Variants in ATG2A observed in about 807,000 individuals in gnomAD.
The protein encoded by ATG2A is autophagy related 2A, also known as autophagy-related protein 2 homolog A.
In ATG2A, 103 loss-of-function variants were observed where a neutral mutation model predicts 214.2. That is an observed-to-expected ratio of 0.48 (90% confidence interval 0.41 to 0.57). The LOEUF is 0.57. Ranked by LOEUF, ATG2A falls within the 20% of genes least tolerant of loss-of-function variation. ATG2A has a pLI of 0.00. For missense variants in ATG2A, 2,312 were observed against 2,613.2 expected, an observed-to-expected ratio of 0.88 and a Z score of 2.51; for synonymous variants, 1,160 against 1,142.1, an observed-to-expected ratio of 1.02 and a Z score of -0.32.
At position 64,903,633 on chromosome 11, in the gene ATG2A, G is replaced by A. The variant is rs1565750034; in HGVS notation, c.3492C>T (p.Tyr1164=). The A allele has an allele frequency of 6.5e-6, 10 of 1,549,990 alleles. No individual in the cohort carries two copies. Among genetic ancestry groups the A allele is most frequent in the Non-Finnish European group, 8.7e-6 (10 of 1,146,590 alleles). Residue 1164 remains tyrosine, a synonymous_variant, in exon 25 of 41, where the codon TAC becomes TAT. Coordinates refer to ENST00000377264, the MANE Select transcript of ATG2A (RefSeq NM_015104.3). This position sits in a 1 kb window ranked among gnomAD's most constrained non-coding sequence, Gnocchi z 4.2. ...LRFILDDSAL[Y]LSDKCEVETL... ...TCTCCACCTCACACTTGTCGGACAG[G>A]TACAAGGCGGAGTCATCGAGGATGA...
chr11:64,897,722 C>G lies in ATG2A; in HGVS notation c.5016G>C (p.Glu1672Asp). The change falls in exon 36 of 41, where the codon GAG (glutamate) becomes GAC (aspartate). Residue 1672 changes from glutamate to aspartate, a missense_variant. Glu to Asp is a conservative substitution (Grantham distance 45). Transcript: ENST00000377264. The stretch of plus-strand genomic sequence containing the variant: ...CATGGTAATCCAGCCAGATGGGGAC[C>G]TCAGACGTGAAGCGGAACTCTCTGG... ...IYFREFRFTS[E>D]VPIWLDYHGK... is the part of the protein sequence containing the mutation. The G allele has an allele frequency of 1.2e-6, 2 of 1,614,260 alleles. No individual in the cohort carries two copies. The highest frequency in any genetic ancestry group is 1.7e-6 in the Non-Finnish European group (2 of 1,180,036).
Position 64,906,200 on chromosome 11 carries a change from G to A in ATG2A, c.3184-7C>T, listed in dbSNP as rs1449239343. On this transcript the variant is annotated splice_polypyrimidine_tract_variant and splice_region_variant and intron_variant, in intron 21 of 40. Transcript: ENST00000377264. ...GCAGTGTCACCAGGAACTCCTGAGG[G>A]TGGGGGCGCAGTCAGGGCAGTGGGG... is the stretch of plus-strand genomic sequence containing the variant. 1.9e-6 allele frequency: 3 copies of A among 1,611,516 alleles called. No homozygotes were observed. The highest frequency in any genetic ancestry group is 1.1e-5 in the South Asian group (1 of 90,968).
Position 64,902,319 on chromosome 11 carries a change from TCACGCTGGTTGATGAGGGCCGTCTC to T in ATG2A, c.3820_3844del (p.Glu1274ThrfsTer56). 1 of 1,610,950 alleles carries T rather than the reference TCACGCTGGTTGATGAGGGCCGTCTC, an allele frequency of 6.2e-7. No individual in the cohort carries two copies. The highest frequency in any genetic ancestry group is 8.5e-7 in the Non-Finnish European group (1 of 1,179,446). ...GGTGTCCAGGAGGGCGTCGGCCAGG[TCACGCTGGTTGATGAGGGCCGTCTC>T]CACTGGGGGGCACGAGGGCAGAGAG... On this transcript the variant is annotated frameshift_variant, in exon 28 of 41. Transcript: ENST00000377264. LOFTEE classifies it high-confidence loss of function.
At position 64,898,241 on chromosome 11, in the gene ATG2A, C is replaced by T. The variant is rs757534256; in HGVS notation, c.4773+20G>A. The T allele has an allele frequency of 1.2e-6, 2 of 1,613,606 alleles. No homozygotes were observed. Among genetic ancestry groups the T allele is most frequent in the Admixed American group, 1.7e-5 (1 of 59,968 alleles). ...GACAGTGGGGTCACCCTAGGCTCTG[C>T]CCTCACGTAGACCACTCACCTGGTC... On this transcript the variant is annotated intron_variant, in intron 33 of 40. Coordinates refer to ENST00000377264, the MANE Select transcript of ATG2A (RefSeq NM_015104.3). This position sits in a 1 kb window ranked among gnomAD's most constrained non-coding sequence, Gnocchi z 4.5.
Position 64,898,524 on chromosome 11 carries a change from C to G in ATG2A, c.4671+112G>C. 7.1e-7 allele frequency: 1 copy of G among 1,408,050 alleles called. No individual in the cohort carries two copies. Among genetic ancestry groups the G allele is most frequent in the South Asian group, 1.3e-5 (1 of 78,520 alleles). The allele number at this position is 1,408,050 out of a possible 1,614,324, so 87.2% of individuals were successfully genotyped here. ...CCCTTCTCCCAGGCTCACAAACAAC[C>G]TGGGTGTTTGTGTGGGAATGCGTGT... On this transcript the variant is annotated intron_variant, in intron 32 of 40. Coordinates refer to ENST00000377264, the MANE Select transcript of ATG2A (RefSeq NM_015104.3). The surrounding 1 kb of genome is among the most constrained non-coding windows in gnomAD (Gnocchi z 4.5).
Position 64,897,342 on chromosome 11 carries a change from C to T in ATG2A, c.5150+70G>A, listed in dbSNP as rs1944189296. ...GGGTGATGACTTGGCCAAGGCCACA[C>T]AACCAGTCAGGACCAGAACAGAAGG... On this transcript the variant is annotated intron_variant, in intron 37 of 40. Transcript: ENST00000377264. 4 of 1,522,384 alleles carry T rather than the reference C, an allele frequency of 2.6e-6. No homozygotes were observed. In the South Asian group the frequency reaches 3.6e-5, roughly 14 times the overall value. The allele number at this position is 1,522,384 out of a possible 1,614,324, so 94.3% of individuals were successfully genotyped here.
In ATG2A at chr11:64,898,243, C is replaced by T; in HGVS notation, c.4773+18G>A. On this transcript the variant is annotated intron_variant, in intron 33 of 40. Coordinates refer to ENST00000377264, the MANE Select transcript of ATG2A (RefSeq NM_015104.3). This position sits in a 1 kb window ranked among gnomAD's most constrained non-coding sequence, Gnocchi z 4.5. ...CAGTGGGGTCACCCTAGGCTCTGCC[C>T]TCACGTAGACCACTCACCTGGTCCA... 1.2e-6 allele frequency: 2 copies of T among 1,613,808 alleles called. No homozygotes were observed. The highest frequency in any genetic ancestry group is 1.7e-6 in the Non-Finnish European group (2 of 1,179,826).
chr11:64,897,964 C>T lies in ATG2A; in HGVS notation c.4869G>A (p.Glu1623=). 2 of 1,553,356 alleles carry T rather than the reference C, an allele frequency of 1.3e-6. No individual in the cohort carries two copies. The highest frequency in any genetic ancestry group is 1.7e-6 in the Non-Finnish European group (2 of 1,152,610). The change falls in exon 35 of 41, where the codon GAG becomes GAA. Residue 1623 remains glutamate (E), a synonymous_variant. Transcript: ENST00000377264. The part of the protein sequence containing the change: ...PGETSAEARP[E]TRAQPSSPLE... Reference sequence around the variant, plus strand: ...GGGGGCTGCTGGGCTGGGCTCGAGTCTCGGGGCGAGCTAGGGGAGGGGAGG... The same window carrying T: ...GGGGGCTGCTGGGCTGGGCTCGAGTTTCGGGGCGAGCTAGGGGAGGGGAGG...
Position 64,898,465 on chromosome 11 carries a change from G to C in ATG2A, c.4672-103C>G. The C allele has an allele frequency of 7.5e-7, 1 of 1,329,942 alleles. No homozygotes were observed. The highest frequency in any genetic ancestry group is 1.0e-6 in the Non-Finnish European group (1 of 967,302). 82.4% of individuals were successfully genotyped at this position (1,329,942 alleles called of 1,614,324 possible). A position where few individuals can be genotyped will look rare whatever the true frequency, so the allele number is the denominator to read the frequency against. ...ACCCAGCCACCCTGCCTCTGAACAC[G>C]CTGTTCCCTTCGCTAACACAGCCCC... On this transcript the variant is annotated intron_variant, in intron 32 of 40. Coordinates refer to ENST00000377264, the MANE Select transcript of ATG2A (RefSeq NM_015104.3). The surrounding 1 kb of genome is among the most constrained non-coding windows in gnomAD (Gnocchi z 4.5).
intron 7 of ATG2A, 39 bp from the exon 8 acceptor site, chr11:64,912,288 T>TGGCCCCCCC: frequency 2.0e-6 from 3 of 1,471,080 alleles, no homozygotes; most frequent in Non-Finnish European, 2.8e-6. Context: ...TGGCTGGCCC[T>TGGCCCCCCC]CCCAGCCACC....
chr11:64,902,243 C>T lies in ATG2A; in HGVS notation c.3904+17G>A. ...TGCCTGACTGTGTCTGCTGTCCCCACAGCACCCCCACTTCACCTGAAGGCT... is the reference window on the plus strand; with the variant it reads ...TGCCTGACTGTGTCTGCTGTCCCCATAGCACCCCCACTTCACCTGAAGGCT... On this transcript the variant is annotated intron_variant, in intron 28 of 40. Coordinates refer to ENST00000377264, the MANE Select transcript of ATG2A (RefSeq NM_015104.3). 3 of 1,613,190 alleles carry T rather than the reference C, an allele frequency of 1.9e-6. No individual in the cohort carries two copies. The highest frequency in any genetic ancestry group is 2.5e-6 in the Non-Finnish European group (3 of 1,179,992).
intron 20 of ATG2A, 44 bp downstream of exon 20, chr11:64,906,621 C>A: frequency 6.2e-7 from 1 of 1,610,610 alleles, no homozygotes; most frequent in Non-Finnish European, 8.5e-7. Context: ...GCCCTCCACC[C>A]CCAACCCTGG....
At chr11:64,909,192 G>A in intron 15 of ATG2A, 42 bp from the exon 16 acceptor site, 1 of 1,606,398 alleles carries the variant, frequency 6.2e-7, no homozygotes, top group Non-Finnish European at 8.5e-7. Context: ...AGGGCCCCCG[G>A]CACCCAGTTC....
Position 64,902,542 on chromosome 11 carries a change from T to C in ATG2A, c.3751A>G (p.Ser1251Gly), listed in dbSNP as rs576801861. 793 of 640,058 alleles carry C rather than the reference T, an allele frequency of 1.2e-3. 12 individuals are homozygous for C. The East Asian group carries it at 0.042, about 34-fold the overall frequency. 39.6% of individuals were successfully genotyped at this position (640,058 alleles called of 1,614,324 possible). Residue 1251 changes from serine (S) to glycine (G), a missense_variant, in exon 27 of 41, where the codon AGC (serine) becomes GGC (glycine). By Grantham distance (56) the Ser-to-Gly change is moderately conservative (BLOSUM62 0). Transcript: ENST00000377264. ...TTCTGGCCGGCGATCTCCGTGGGGC[T>C]GGGGGGCCGGGGTGGGGGGTGCAGA... Reference protein sequence around the residue: ...GDLHPPPRPPSPTEIAGQKLS... With the variant: ...GDLHPPPRPPGPTEIAGQKLS...
Position 64,914,401 on chromosome 11 carries a change from T to C in ATG2A, c.271A>G (p.Thr91Ala), listed in dbSNP as rs1300137412. Residue 91 changes from threonine to alanine, a missense_variant, in exon 2 of 41, where the codon ACC (threonine) becomes GCC (alanine). Physicochemically the swap from Thr to Ala is moderately conservative, Grantham distance 58. Transcript: ENST00000377264. The stretch of plus-strand genomic sequence containing the variant: ...GACACGCGCACTGTGCAGTGGTCGG[T>C]GAGCAGAGCAGCCCAGGGCACGGCC... ...EVAVPWAALL[T>A]DHCTVRVSGL... 6.2e-7 allele frequency: 1 copy of C among 1,612,102 alleles called. No individual in the cohort carries two copies.
chr11:64,899,595 A>G (rs1458383808), intron 31 of ATG2A, among the ~76,000 whole-genome samples: 1 of 152,068 alleles, frequency 6.6e-6, no homozygotes, highest in Non-Finnish European at 1.5e-5. Flanking sequence ...GCAATTTCCC[A>G]GGCCCAAACC....
intron 29 of ATG2A, 56 bp downstream of exon 29, chr11:64,901,906 C>G: frequency 6.3e-7 from 1 of 1,588,504 alleles, no homozygotes; most frequent in Non-Finnish European, 8.6e-7. Flanking sequence ...TGTTCCGTCC[C>G]CGCTCCAAAC....
rs1944673817 is a variant in ATG2A, at chr11:64,909,331, C to T, written c.2144G>A (p.Cys715Tyr). The change falls in exon 15 of 41, where the codon TGC becomes TAC. Residue 715 changes from cysteine (C) to tyrosine (Y), a missense_variant. Physicochemically the swap from Cys to Tyr is radical, Grantham distance 194. Transcript: ENST00000377264. ...GTCCAGGGCTTTGGAGACACGCAGG[C>T]AAGGGACAGGTGGCTTCCCTCCATC... Reference protein sequence around the residue: ...YEDGGKPPVPCLRVSKALDPK... With the variant: ...YEDGGKPPVPYLRVSKALDPK... The T allele has an allele frequency of 6.2e-7, 1 of 1,613,480 alleles. No individual in the cohort carries two copies. Among genetic ancestry groups the T allele is most frequent in the African/African-American group, 1.3e-5 (1 of 74,898 alleles).
chr11:64,896,588 C>T lies in ATG2A; in HGVS notation c.5301G>A (p.Leu1767=), dbSNP rs1316216551. ...LFQGFRDLLW[L]PIEQYRKDGR... Reference sequence around the variant, plus strand: ...CATCCTTCCTGTACTGCTCAATGGGCAGCCACAGCAGGTCCCGGAACCCTT... The same window carrying T: ...CATCCTTCCTGTACTGCTCAATGGGTAGCCACAGCAGGTCCCGGAACCCTT... Residue 1767 remains leucine (L), a synonymous_variant, in exon 39 of 41, where the codon CTG becomes CTA. Coordinates refer to ENST00000377264, the MANE Select transcript of ATG2A (RefSeq NM_015104.3). 2 of 1,613,860 alleles carry T rather than the reference C, an allele frequency of 1.2e-6. No individual in the cohort carries two copies. The highest frequency in any genetic ancestry group is 2.2e-5 in the East Asian group (1 of 44,904).
Sources: gnomAD v4.1 joint callset for allele counts (sites outside exome capture counted in the v4.1 genomes callset) on GRCh38, gnomAD v4.1.1 for gene constraint, Gnocchi (gnomAD v3.1) non-coding constraint, MANE v1.5 for transcripts, NCBI Gene and HGNC (gene_info 2026-07-23, HGNC 2026-07-21) for gene names.